QTRT1: variants seen among roughly 807,000 people sequenced by gnomAD.
The protein encoded by QTRT1 is TGT, 43-KD subunit.
A neutral mutation model predicts 44.0 loss-of-function variants in QTRT1; 41 were observed. That is an observed-to-expected ratio of 0.93 (90% confidence interval 0.73 to 1.21). The LOEUF (loss-of-function observed/expected upper bound fraction) is 1.21. Ranked by LOEUF, QTRT1 falls within the 50% of genes most tolerant of loss-of-function variation. The pLI is 0.00. For missense variants in QTRT1, 542 were observed against 575.8 expected (o/e 0.94, Z 0.60); for synonymous variants, 226 against 237.1 (o/e 0.95, Z 0.43).
At chr19:10,704,815 G>A (rs990022696) in intron 3 of QTRT1, among the ~76,000 whole-genome samples, 1 of 151,652 alleles carries the variant, frequency 6.6e-6, no homozygotes, top group Non-Finnish European at 1.5e-5. Context: ...TTGAACTCCC[G>A]ACCTCAGGTG....
chr19:10,705,568 C>T (rs1301900006), intron 3 of QTRT1, among the ~76,000 whole-genome samples: 1 of 151,418 alleles, frequency 6.6e-6, no homozygotes, highest in Non-Finnish European at 1.5e-5. Context: ...CACAATCTCG[C>T]TCTGTCACCC....
chr19:10,703,393 G>A (rs550286061), intron 3 of QTRT1, among the ~76,000 whole-genome samples: 139 of 152,052 alleles, frequency 9.1e-4, no homozygotes, highest in African/African-American at 3.2e-3. Context: ...AAGAACCATG[G>A]CAACACAGGG....
intron 3 of QTRT1, among the ~76,000 whole-genome samples, chr19:10,704,175 A>G (rs1238419155): frequency 6.6e-6 from 1 of 151,836 alleles, no homozygotes; most frequent in Non-Finnish European, 1.5e-5. Context: ...TTAGAGTCTC[A>G]CTACATTATC....
rs774991140 is a variant in QTRT1, at chr19:10,701,488, C to T, written c.28C>T (p.Leu10=). MAGAATQAS[L]ESAPRIMRLV... ...GGCGGGAGCAGCTACCCAGGCTTCC[C>T]TGGAGTCGGCCCCACGGATCATGCG... Residue 10 remains leucine (L), a synonymous_variant, in exon 1 of 10, where the codon CTG becomes TTG. Coordinates refer to ENST00000250237, the MANE Select transcript of QTRT1 (RefSeq NM_031209.3). The T allele has an allele frequency of 1.3e-6, 2 of 1,574,178 alleles. No individual in the cohort carries two copies. The highest frequency in any genetic ancestry group is 2.3e-5 in the East Asian group (1 of 44,220).
chr19:10,711,770 G>A (rs1473547290), intron 5 of QTRT1: 2 of 286,260 alleles, frequency 7.0e-6, no homozygotes, highest in African/African-American at 4.4e-5. Context: ...CATGACAGCT[G>A]TTACTCAGCA....
At chr19:10,709,422 AAG>A (rs1203557822) in intron 5 of QTRT1, 4 of 152,194 alleles carry the variant, frequency 2.6e-5, no homozygotes, top group African/African-American at 9.7e-5. Flanking sequence ...TCTCTAAAAA[AAG>A]AGAATTGGGC....
At position 10,701,675 on chromosome 19, in the gene QTRT1, G is replaced by A; in HGVS notation, c.215G>A (p.Gly72Asp). The change falls in exon 1 of 10, where the codon GGC becomes GAC. Residue 72 changes from glycine (G) to aspartate (D), a missense_variant. Transcript: ENST00000250237. Reference sequence around the variant, plus strand: ...GCTCTGGGTTGCCGCATCTGCCTGGGCAATACCTACCATCTGGGTCTAAGG... The same window carrying A: ...GCTCTGGGTTGCCGCATCTGCCTGGACAATACCTACCATCTGGGTCTAAGG... ...LDALGCRICLGNTYHLGLRPG... is the reference protein window; with the variant it reads ...LDALGCRICLDNTYHLGLRPG... 2 of 1,586,690 alleles carry A rather than the reference G, an allele frequency of 1.3e-6. No individual in the cohort carries two copies. Among genetic ancestry groups the A allele is most frequent in the Non-Finnish European group, 8.6e-7 (1 of 1,167,624 alleles).
rs749852651 is a variant in QTRT1, at chr19:10,707,605, C to G, written c.636C>G (p.Thr212=). 1.2e-6 allele frequency: 2 copies of G among 1,603,904 alleles called. No homozygotes were observed. The highest frequency in any genetic ancestry group is 1.7e-6 in the Non-Finnish European group (2 of 1,175,482). The change falls in exon 5 of 10, where the codon ACC becomes ACG. Residue 212 remains threonine (T), a synonymous_variant. Coordinates refer to ENST00000250237, the MANE Select transcript of QTRT1 (RefSeq NM_031209.3). ...GGCTGGACGCAGATCTCCGGGCCAC[C>G]TGCCTTGAAGGTAGAGCCATGCGCT... ...QGGLDADLRA[T]CLEEMTKRDV...
At chr19:10,701,830 C>T in intron 1 of QTRT1, 120 bp from the exon 2 acceptor site, 8 of 1,571,108 alleles carry the variant, frequency 5.1e-6, no homozygotes, top group Non-Finnish European at 7.0e-6. Context: ...CCCCCAATGA[C>T]CAGGCCTTGT....
At chr19:10,709,436 A>T (rs567987688) in intron 5 of QTRT1, 3 of 152,372 alleles carry the variant, frequency 2.0e-5, no homozygotes, top group African/African-American at 7.2e-5. Context: ...GAATTGGGCC[A>T]GGCACGCTGG....
Position 10,712,574 on chromosome 19 carries a change from C to T in QTRT1, c.807C>T (p.Val269=). ...MGVGYATDLV[V]CVALGCDMFD... is the part of the protein sequence containing the mutation. ...CCAGCTATGCCACTGATCTGGTAGT[C>T]TGCGTGGCTCTTGGATGTGACATGT... The change falls in exon 7 of 10, where the codon GTC becomes GTT. Residue 269 remains valine, a synonymous_variant. Coordinates refer to ENST00000250237, the MANE Select transcript of QTRT1 (RefSeq NM_031209.3). This position sits in a 1 kb window ranked among gnomAD's most constrained non-coding sequence, Gnocchi z 5.6. The T allele has an allele frequency of 6.2e-7, 1 of 1,613,814 alleles. No homozygotes were observed. Among genetic ancestry groups the T allele is most frequent in the Non-Finnish European group, 8.5e-7 (1 of 1,179,898 alleles).
In QTRT1 at chr19:10,712,582, C is replaced by T. The variant is rs2068743764; in HGVS notation, c.815C>T (p.Ala272Val). 1 of 1,613,542 alleles carries T rather than the reference C, an allele frequency of 6.2e-7. No homozygotes were observed. The highest frequency in any genetic ancestry group is 2.2e-5 in the East Asian group (1 of 44,850). The change falls in exon 7 of 10, where the codon GCT (alanine) becomes GTT (valine). Residue 272 changes from alanine (A) to valine (V), a missense_variant. Physicochemically the swap from Ala to Val is moderately conservative, Grantham distance 64 (BLOSUM62 0). Transcript: ENST00000250237. The surrounding 1 kb of genome is among the most constrained non-coding windows in gnomAD (Gnocchi z 5.6). The stretch of plus-strand genomic sequence containing the variant: ...GCCACTGATCTGGTAGTCTGCGTGG[C>T]TCTTGGATGTGACATGTTCGACTGC... ...GYATDLVVCV[A>V]LGCDMFDCVF...
At chr19:10,704,917 T>G (rs1047868045) in intron 3 of QTRT1, among the ~76,000 whole-genome samples, 1 of 119,312 alleles carries the variant, frequency 8.4e-6, no homozygotes, top group African/African-American at 3.8e-5. Context: ...AATGTCGTAA[T>G]TTTTTTTTTT....
Position 10,713,341 on chromosome 19 carries a change from G to C in QTRT1, c.*71G>C. ...GGAAGATACTGAAGGATTCCTTTTT[G>C]AAAGGTTTTTTTTATTGTAACTTAC... On this transcript the variant is annotated 3_prime_UTR_variant, in exon 10 of 10. Transcript: ENST00000250237. The surrounding 1 kb of genome is among the most constrained non-coding windows in gnomAD (Gnocchi z 4.3). The C allele has an allele frequency of 6.4e-7, 1 of 1,556,386 alleles. No individual in the cohort carries two copies. Among genetic ancestry groups the C allele is most frequent in the Non-Finnish European group, 8.7e-7 (1 of 1,146,960 alleles).
chr19:10,704,308 T>G (rs1311268598), intron 3 of QTRT1, among the ~76,000 whole-genome samples: 1 of 152,190 alleles, frequency 6.6e-6, no homozygotes, highest in South Asian at 2.1e-4. Context: ...GTTTGTTTTT[T>G]CTGGAGATGG....
At chr19:10,706,492 C>G (rs1412261625) in intron 3 of QTRT1, among the ~76,000 whole-genome samples, 1 of 151,960 alleles carries the variant, frequency 6.6e-6, no homozygotes, top group Admixed American at 6.6e-5. Flanking sequence ...CCTGCCTCAG[C>G]CTCTTGAGTA....
chr19:10,708,425 C>T (rs1321925554), intron 5 of QTRT1, among the ~76,000 whole-genome samples: 9 of 152,258 alleles, frequency 5.9e-5, no homozygotes, highest in African/African-American at 1.9e-4. Context: ...TCCAGCCATG[C>T]ATTACCTTTT....
At chr19:10,702,985 T>C (rs2068697138) in intron 3 of QTRT1, among the ~76,000 whole-genome samples, 1 of 150,510 alleles carries the variant, frequency 6.6e-6, no homozygotes, top group Non-Finnish European at 1.5e-5. Context: ...GTTAGGCTAC[T>C]CTCAAACTCC....
chr19:10,712,961 G>A lies in QTRT1; in HGVS notation c.980G>A (p.Arg327His), dbSNP rs562572604. The A allele has an allele frequency of 7.4e-6, 12 of 1,612,838 alleles. No individual in the cohort carries two copies. Among genetic ancestry groups the A allele is most frequent in the African/African-American group, 4.0e-5 (3 of 75,040 alleles). Residue 327 changes from arginine to histidine, a missense_variant, in exon 9 of 10, where the codon CGC becomes CAC. Transcript: ENST00000250237. The surrounding 1 kb of genome is among the most constrained non-coding windows in gnomAD (Gnocchi z 5.6). ...CCCCTGCCGCTCTACAGGCACAGCC[G>A]CGCCTTCCTGCACGCACTGCTGCAC... ...CTCPTCQKHS[R>H]AFLHALLHSD...
Sources: gnomAD v4.1 joint callset for allele counts (sites outside exome capture counted in the v4.1 genomes callset) on GRCh38, gnomAD v4.1.1 for gene constraint, Gnocchi (gnomAD v3.1) non-coding constraint, MANE v1.5 for transcripts, NCBI Gene and HGNC (gene_info 2026-07-23, HGNC 2026-07-21) for gene names.